Variants in CACNA1C observed in about 807,000 individuals in gnomAD.
The protein encoded by CACNA1C is voltage-dependent L-type calcium channel subunit alpha-1C.
In CACNA1C, 30 loss-of-function variants were observed where a neutral mutation model predicts 229.0. The ratio of observed to expected loss-of-function variants is 0.13; its 90% confidence interval spans 0.10 to 0.18. CACNA1C has a LOEUF of 0.18. Ranked by LOEUF, CACNA1C falls within the 10% of genes least tolerant of loss-of-function variation. The pLI, the probability that CACNA1C is intolerant of heterozygous loss-of-function variation, is 1.00. For synonymous variants in CACNA1C, 1,114 were observed against 1,132.5 expected (o/e 0.98, Z 0.33); for missense variants, 1,658 against 2,845.0 (o/e 0.58, Z 9.49).
intron 3 of CACNA1C, among the ~76,000 whole-genome samples, chr12:2,340,601 C>T (rs7959096): frequency 0.14 from 21,803 of 152,186 alleles, 2,133 homozygotes; most frequent in African/African-American, 0.27. Flanking sequence ...ACAGAGGGAT[C>T]CGGAGGGTCC....
intron 3 of CACNA1C, among the ~76,000 whole-genome samples, chr12:2,372,920 G>T (rs765164664): frequency 1.3e-5 from 2 of 152,348 alleles, no homozygotes; most frequent in Non-Finnish European, 2.9e-5. Flanking sequence ...TGCGGGGGCA[G>T]CCCCAGGAGA....
chr12:1,991,001 C>T, intron 1 of CACNA1C: 11 of 339,512 alleles, frequency 3.2e-5, no homozygotes, highest in South Asian at 2.5e-4. Context: ...AAAAAAAAGG[C>T]AAAATGAATC....
chr12:2,525,249 G>A (rs2099816610), intron 9 of CACNA1C, among the ~76,000 whole-genome samples: 2 of 152,188 alleles, frequency 1.3e-5, no homozygotes, highest in South Asian at 4.2e-4. Flanking sequence ...TGGGCTGGAA[G>A]GAGAGAGAAG....
At chr12:2,329,905 G>T (rs1005799220) in intron 3 of CACNA1C, among the ~76,000 whole-genome samples, 1 of 152,254 alleles carries the variant, frequency 6.6e-6, no homozygotes, top group African/African-American at 2.4e-5. Context: ...TTTGCTCCAG[G>T]AGGATTAGAG....
At chr12:2,476,268 C>A (rs769945544) in intron 5 of CACNA1C, among the ~76,000 whole-genome samples, 2 of 152,222 alleles carry the variant, frequency 1.3e-5, no homozygotes, top group African/African-American at 4.8e-5. Flanking sequence ...CGCGGGCCAA[C>A]AAGTGGCACA....
intron 3 of CACNA1C, among the ~76,000 whole-genome samples, chr12:2,372,714 A>G (rs190808159): frequency 9.5e-4 from 144 of 152,308 alleles, no homozygotes; most frequent in Middle Eastern, 3.4e-3. Context: ...GTCAATCCCT[A>G]TCGCCTCCCT....
At chr12:2,589,002 G>A (rs2063868818) in intron 18 of CACNA1C, among the ~76,000 whole-genome samples, 1 of 152,176 alleles carries the variant, frequency 6.6e-6, no homozygotes. Context: ...ATGCAGAAGG[G>A]TGGTCTTGAC....
intron 1 of CACNA1C, chr12:1,992,461 AC>A (rs1189346588): frequency 6.5e-6 from 1 of 153,328 alleles, no homozygotes. Context: ...ACATTTCTTC[AC>A]TGCAAGGTCT....
chr12:2,636,775 A>G (rs73243565), intron 30 of CACNA1C, among the ~76,000 whole-genome samples: 4,412 of 152,230 alleles, frequency 0.029, 213 homozygotes, highest in African/African-American at 0.1. Flanking sequence ...CAGAACTTAC[A>G]TTCTGTAATT....
intron 1 of CACNA1C, among the ~76,000 whole-genome samples, chr12:2,111,609 G>A (rs1336382503): frequency 1.3e-5 from 2 of 152,034 alleles, no homozygotes; most frequent in African/African-American, 4.8e-5. Context: ...AGTGAATTGG[G>A]GGCTGGGAAT....
intron 3 of CACNA1C, among the ~76,000 whole-genome samples, chr12:2,406,480 T>G (rs1330168172): frequency 6.6e-6 from 1 of 152,220 alleles, no homozygotes; most frequent in Non-Finnish European, 1.5e-5. Context: ...ATTAGGTAAT[T>G]TCTATTATTC....
intron 3 of CACNA1C, among the ~76,000 whole-genome samples, chr12:2,338,785 A>G (rs924277709): frequency 2.0e-5 from 3 of 152,088 alleles, no homozygotes; most frequent in African/African-American, 7.2e-5. Context: ...AGGGCTCTTG[A>G]GGGCTTATCC....
chr12:2,023,984 A>T (rs777760513), intron 1 of CACNA1C, among the ~76,000 whole-genome samples: 3 of 152,220 alleles, frequency 2.0e-5, no homozygotes, highest in Non-Finnish European at 4.4e-5. Flanking sequence ...TTCCCAGATT[A>T]AGGGGAGGAG....
chr12:2,301,017 A>T (rs1313793126), intron 3 of CACNA1C, among the ~76,000 whole-genome samples: 1 of 152,222 alleles, frequency 6.6e-6, no homozygotes, highest in African/African-American at 2.4e-5. Context: ...AACTGGGGTC[A>T]TCTGGGTCTG....
intron 22 of CACNA1C, among the ~76,000 whole-genome samples, chr12:2,604,683 G>C (rs1444579147): frequency 6.6e-6 from 1 of 152,172 alleles, no homozygotes; most frequent in Non-Finnish European, 1.5e-5. Context: ...AAAGAAACTA[G>C]AGCTCAGAAA....
intron 3 of CACNA1C, among the ~76,000 whole-genome samples, chr12:2,277,553 GGCA>G (rs1192173661): frequency 1.3e-5 from 2 of 152,146 alleles, no homozygotes; most frequent in Non-Finnish European, 2.9e-5. Context: ...GGAGGCTTCA[GGCA>G]GCAACAGTGG....
intron 3 of CACNA1C, among the ~76,000 whole-genome samples, chr12:2,277,779 A>G (rs1222994823): frequency 6.6e-6 from 1 of 152,108 alleles, no homozygotes; most frequent in Non-Finnish European, 1.5e-5. Context: ...CTCCCACCAT[A>G]ACCGCTCACC....
rs754936052 is a variant in CACNA1C, at chr12:2,144,975, A to G, written c.477+24545A>G. ...AACATACCAGGGAAAGAACTGAGCA[A>G]ACTTTCAACCCTCTGCAGTATTAGA... is the stretch of plus-strand genomic sequence containing the variant. On this transcript the variant is annotated intron_variant, in intron 3 of 46. Coordinates refer to ENST00000399655, the MANE Select transcript of CACNA1C (RefSeq NM_000719.7). 1.7e-4 allele frequency among the ~76,000 whole-genome samples: 26 copies of G among 151,408 alleles called. No individual in the cohort carries two copies. The South Asian group carries it at 1.9e-3, about 11-fold the overall frequency.
rs199694744 is a variant in CACNA1C, at chr12:2,691,126, G to C, written c.6344G>C (p.Gly2115Ala). 9.5e-5 allele frequency: 153 copies of C among 1,608,994 alleles called. No individual in the cohort carries two copies. The highest frequency in any genetic ancestry group is 1.7e-4 in the Middle Eastern group (1 of 5,792). The change falls in exon 47 of 47, where the codon GGC becomes GCC. Residue 2115 changes from glycine (G) to alanine (A), a missense_variant. Gly to Ala is a moderately conservative substitution (Grantham distance 60). Around this residue, in one of 20 missense-constraint regions of CACNA1C, gnomAD observed 590 missense variants for 700.8 expected, o/e 0.84. Transcript: ENST00000399655. ...QDRAGGEEDA[G>A]CVRARGRPSE... ...CGAGCCGGGGGCGAAGAGGACGCGG[G>C]CTGTGTGCGCGCGCGGGGTCGACCG...
Sources: gnomAD v4.1 joint callset for allele counts (sites outside exome capture counted in the v4.1 genomes callset) on GRCh38, gnomAD v4.1.1 for gene constraint, gnomAD v4.1.1 regional missense constraint, MANE v1.5 for transcripts, NCBI Gene and HGNC (gene_info 2026-07-23, HGNC 2026-07-21) for gene names.